IL1RAPL1: variants seen among roughly 807,000 people sequenced by gnomAD.
IL1RAPL1 encodes the protein interleukin-1 receptor accessory protein-like 1.
A neutral mutation model predicts 48.4 loss-of-function variants in IL1RAPL1; 3 were observed. The ratio of observed to expected loss-of-function variants is 0.06; its 90% CI spans 0.03 to 0.16. IL1RAPL1 has a LOEUF of 0.16. Among genes scored for constraint, IL1RAPL1 ranks in the 10% least tolerant of loss-of-function variants. The pLI, the probability that IL1RAPL1 is intolerant of heterozygous loss-of-function variation, is 1.00. For synonymous variants in IL1RAPL1, 185 were observed against 187.7 expected, an observed-to-expected ratio of 0.99 and a Z score of 0.12; for missense variants, 349 against 530.6, an observed-to-expected ratio of 0.66 and a Z score of 3.36.
At chrX:29,382,556 A>G (rs1933725497) in intron 3 of IL1RAPL1, among the ~76,000 whole-genome samples, 1 of 112,114 alleles carries the variant, frequency 8.9e-6, no homozygotes, top group African/African-American at 3.2e-5. Context: ...TTCCATGTAC[A>G]CAGTTGTTGA....
At chrX:29,522,289 G>A (rs1170052547) in intron 5 of IL1RAPL1, among the ~76,000 whole-genome samples, 4 of 110,845 alleles carry the variant, frequency 3.6e-5, no homozygotes, top group Admixed American at 1.9e-4. Context: ...TGTCCCGAGT[G>A]GCTGGGACTA....
At chrX:29,682,658 C>T (rs1349470553) in intron 6 of IL1RAPL1, among the ~76,000 whole-genome samples, 2 of 112,279 alleles carry the variant, frequency 1.8e-5, no homozygotes, top group South Asian at 3.7e-4. Context: ...ATCTTTACAT[C>T]CCTGATATGT....
At chrX:29,486,936 C>T (rs1431480917) in intron 5 of IL1RAPL1, among the ~76,000 whole-genome samples, 1 of 111,661 alleles carries the variant, frequency 9.0e-6, no homozygotes, top group Non-Finnish European at 1.9e-5. Flanking sequence ...TACTGAATCA[C>T]AACAACAAAT....
intron 1 of IL1RAPL1, among the ~76,000 whole-genome samples, chrX:28,633,630 T>A (rs1934424945): frequency 2.7e-5 from 3 of 112,160 alleles, no homozygotes; most frequent in Admixed American, 9.5e-5. Flanking sequence ...GTGAACTGGT[T>A]CAAATAATGT....
rs150439009 is a variant in IL1RAPL1, at chrX:29,917,469, T to G, written c.784T>G (p.Ser262Ala). The G allele has an allele frequency of 1.4e-4, 174 of 1,208,095 alleles. 1 individual carries two copies. Among genetic ancestry groups the G allele is most frequent in the Middle Eastern group, 1.2e-3 (5 of 4,344 alleles). The part of the protein sequence containing the change: ...LTIQETQLGD[S>A]ANLTCRAFFG... ...TCCATCACTTCTCTCTGCAGGTGAC[T>G]CTGCTAATCTAACCTGCAGAGCTTT... The change falls in exon 7 of 11, where the codon TCT becomes GCT. Residue 262 changes from serine to alanine, a missense_variant. This residue lies in a region of IL1RAPL1 where 238 missense variants were observed against 337.8 expected (regional missense o/e 0.70). Transcript: ENST00000378993.
At chrX:29,381,825 AAAAAAAAAATATATATATATAT>A (rs1933707820) in intron 3 of IL1RAPL1, among the ~76,000 whole-genome samples, 1 of 57,645 alleles carries the variant, frequency 1.7e-5, no homozygotes, top group Non-Finnish European at 3.6e-5. Flanking sequence ...AAAAAAAAAA[AAAAAAAAAATATATATATATAT>A]ATATATATAT....
intron 6 of IL1RAPL1, among the ~76,000 whole-genome samples, chrX:29,856,704 C>T (rs183575897): frequency 1.6e-4 from 18 of 111,646 alleles, no homozygotes; most frequent in Admixed American, 4.8e-4. Context: ...TTATATTTCT[C>T]GACTATACCT....
chrX:29,161,972 G>T (rs1440118303), intron 2 of IL1RAPL1, among the ~76,000 whole-genome samples: 1 of 112,044 alleles, frequency 8.9e-6, no homozygotes, highest in Non-Finnish European at 1.9e-5. Context: ...ATGCATCAAT[G>T]ATAGACTGGA....
chrX:28,592,150 A>G (rs191541957), intron 1 of IL1RAPL1, among the ~76,000 whole-genome samples: 82 of 112,074 alleles, frequency 7.3e-4, no homozygotes, highest in African/African-American at 2.5e-3. Flanking sequence ...TCATATGGGA[A>G]TATAGTTGTC....
chrX:29,852,278 A>G (rs768301822), intron 6 of IL1RAPL1, among the ~76,000 whole-genome samples: 2 of 112,446 alleles, frequency 1.8e-5, no homozygotes, highest in Non-Finnish European at 3.8e-5. Flanking sequence ...AGCTCATTGA[A>G]GAAACTAAAT....
intron 2 of IL1RAPL1, among the ~76,000 whole-genome samples, chrX:28,954,609 C>A (rs1328156811): frequency 9.1e-6 from 1 of 110,481 alleles, no homozygotes; most frequent in Non-Finnish European, 1.9e-5. Context: ...AAATTTTTTT[C>A]TATCTTTCAG....
chrX:29,885,397 A>G, intron 6 of IL1RAPL1, among the ~76,000 whole-genome samples: 1 of 112,002 alleles, frequency 8.9e-6, no homozygotes, highest in African/African-American at 3.2e-5. Flanking sequence ...TTTGCCCACC[A>G]CATTAGGATG....
intron 2 of IL1RAPL1, among the ~76,000 whole-genome samples, chrX:28,989,960 T>C (rs1311174149): frequency 9.0e-6 from 1 of 111,670 alleles, no homozygotes; most frequent in Non-Finnish European, 1.9e-5. Flanking sequence ...GTTAAACAAG[T>C]TTGCAGTACT....
intron 3 of IL1RAPL1, among the ~76,000 whole-genome samples, chrX:29,373,370 A>G (rs1933571935): frequency 2.7e-5 from 3 of 111,659 alleles, no homozygotes; most frequent in Non-Finnish European, 3.8e-5. Flanking sequence ...AAAGAGAGAG[A>G]GTTTGAATTC....
chrX:29,509,280 A>G (rs1009828986), intron 5 of IL1RAPL1, among the ~76,000 whole-genome samples: 5 of 111,913 alleles, frequency 4.5e-5, no homozygotes, highest in South Asian at 3.8e-4. Context: ...AAGCCCTTTT[A>G]CTAGATTGAA....
At chrX:29,809,193 GT>G (rs1930324539) in intron 6 of IL1RAPL1, among the ~76,000 whole-genome samples, 1 of 107,575 alleles carries the variant, frequency 9.3e-6, no homozygotes, top group African/African-American at 3.4e-5. Flanking sequence ...TGCCTCCCGG[GT>G]TCAAGCGATT....
At chrX:29,623,232 G>A (rs1350355358) in intron 5 of IL1RAPL1, among the ~76,000 whole-genome samples, 2 of 107,706 alleles carry the variant, frequency 1.9e-5, no homozygotes, top group African/African-American at 6.8e-5. Flanking sequence ...CCAGCGAGCC[G>A]AGATGCGCCA....
intron 3 of IL1RAPL1, among the ~76,000 whole-genome samples, chrX:29,334,078 C>T (rs1335947850): frequency 2.4e-5 from 2 of 83,301 alleles, no homozygotes; most frequent in East Asian, 3.8e-4. Flanking sequence ...GGGGGCTGAC[C>T]GCCCCACCTC....
chrX:29,079,395 G>A (rs1927752287), intron 2 of IL1RAPL1, among the ~76,000 whole-genome samples: 1 of 111,342 alleles, frequency 9.0e-6, no homozygotes, highest in African/African-American at 3.3e-5. Flanking sequence ...AAATAAGTCA[G>A]TGAAATAACA....
Sources: gnomAD v4.1 joint callset for allele counts (sites outside exome capture counted in the v4.1 genomes callset) on GRCh38, gnomAD v4.1.1 for gene constraint, gnomAD v4.1.1 regional missense constraint, MANE v1.5 for transcripts, NCBI Gene and HGNC (gene_info 2026-07-23, HGNC 2026-07-21) for gene names.